The following NEMF variants were observed in gnomAD, a reference collection of about 807,000 sequenced individuals.
The protein encoded by NEMF is nuclear export mediator factor.
A neutral mutation model predicts 162.2 loss-of-function variants in NEMF; 89 were observed. The ratio of observed to expected loss-of-function variants is 0.55; its 90% confidence interval spans 0.46 to 0.65. The LOEUF is 0.65. Ranked by LOEUF, NEMF falls within the 30% of genes least tolerant of loss-of-function variation. The pLI is 0.00. For missense variants in NEMF, 1,133 were observed against 1,261.9 expected (o/e 0.90, Z 1.55); for synonymous variants, 421 against 404.5 (o/e 1.04, Z -0.49).
chr14:49,810,650 A>G (rs1891433816), intron 18 of NEMF, among the ~76,000 whole-genome samples: 1 of 152,104 alleles, frequency 6.6e-6, no homozygotes. Flanking sequence ...TTGCATTACC[A>G]CATGAATTTT....
intron 25 of NEMF, 192 bp from the exon 26 acceptor site, chr14:49,796,136 T>C (rs1028144981): frequency 3.3e-5 from 20 of 603,094 alleles, no homozygotes; most frequent in Non-Finnish European, 5.4e-5. Context: ...AAGTTTTTCA[T>C]CTCTCATGGA....
intron 6 of NEMF, among the ~76,000 whole-genome samples, chr14:49,835,901 A>G (rs1336033335): frequency 6.6e-6 from 1 of 152,248 alleles, no homozygotes; most frequent in Non-Finnish European, 1.5e-5. Context: ...ATAGCATCAA[A>G]AAGAATAGAA....
Position 49,851,675 on chromosome 14 carries a change from A to G in NEMF, c.129-10T>C. 1 of 1,609,432 alleles carries G rather than the reference A, an allele frequency of 6.2e-7. No individual in the cohort carries two copies. The highest frequency in any genetic ancestry group is 8.5e-7 in the Non-Finnish European group (1 of 1,176,070). On this transcript the variant is annotated splice_polypyrimidine_tract_variant and intron_variant, in intron 2 of 32. Coordinates refer to ENST00000298310, the MANE Select transcript of NEMF (RefSeq NM_004713.6). ...AGCTTTAAAGTCCGGTCTGTAGAAG[A>G]AAAAAGTCGAATTTTTCTTTAGGGT...
chr14:49,848,251 A>G (rs968339785), intron 3 of NEMF, among the ~76,000 whole-genome samples: 2 of 152,086 alleles, frequency 1.3e-5, no homozygotes, highest in Non-Finnish European at 2.9e-5. Context: ...TTTCAATCCA[A>G]TGTAATAACT....
intron 19 of NEMF, among the ~76,000 whole-genome samples, chr14:49,805,100 TAATG>T (rs1434247852): frequency 6.6e-6 from 1 of 152,150 alleles, no homozygotes; most frequent in Non-Finnish European, 1.5e-5. Flanking sequence ...AAAAATTTCT[TAATG>T]AAAGAATTAA....
At chr14:49,827,605 C>G (rs111509827) in intron 15 of NEMF, among the ~76,000 whole-genome samples, 196 of 152,060 alleles carry the variant, frequency 1.3e-3, no homozygotes, top group African/African-American at 4.6e-3. Flanking sequence ...CTGAGGTCAG[C>G]AGTTTGAGAC....
chr14:49,830,597 C>G (rs1205768904), intron 11 of NEMF, among the ~76,000 whole-genome samples: 1 of 152,244 alleles, frequency 6.6e-6, no homozygotes, highest in Non-Finnish European at 1.5e-5. Flanking sequence ...GCTGGCCAGG[C>G]TGTTCTTGAA....
In NEMF at chr14:49,784,495, A is replaced by C. The variant is rs779328062; in HGVS notation, c.*141T>G. Reference sequence around the variant, plus strand: ...ATAAAACTGGGAAAAAACAAGAAGTAAGTCCTTTTGGTGAATATAGCAAGG... The same window carrying C: ...ATAAAACTGGGAAAAAACAAGAAGTCAGTCCTTTTGGTGAATATAGCAAGG... On this transcript the variant is annotated 3_prime_UTR_variant, in exon 33 of 33. Transcript: ENST00000298310. 28 of 607,434 alleles carry C rather than the reference A, an allele frequency of 4.6e-5. No homozygotes were observed. The highest frequency in any genetic ancestry group is 1.3e-4 in the Admixed American group (4 of 30,392). 37.6% of individuals were successfully genotyped at this position (607,434 alleles called of 1,614,324 possible).
intron 8 of NEMF, among the ~76,000 whole-genome samples, chr14:49,833,036 C>G (rs1892721391): frequency 6.6e-6 from 1 of 152,160 alleles, no homozygotes; most frequent in Non-Finnish European, 1.5e-5. Flanking sequence ...GAGGCCAAGG[C>G]AGGCGGATCA....
intron 16 of NEMF, among the ~76,000 whole-genome samples, chr14:49,824,762 T>C (rs1892256633): frequency 6.6e-6 from 1 of 152,090 alleles, no homozygotes; most frequent in African/African-American, 2.4e-5. Context: ...GTTTTATACA[T>C]TGGAGACCTC....
intron 16 of NEMF, 71 bp downstream of exon 16, chr14:49,825,796 T>C (rs1230054021): frequency 9.5e-7 from 1 of 1,050,412 alleles, no homozygotes; most frequent in Non-Finnish European, 1.4e-6. Flanking sequence ...ACTGTTTGAC[T>C]TTTCTAAACA....
intron 4 of NEMF, among the ~76,000 whole-genome samples, chr14:49,843,916 T>C (rs1035200340): frequency 1.3e-5 from 2 of 152,080 alleles, no homozygotes; most frequent in African/African-American, 2.4e-5. Flanking sequence ...CTGGCCAATA[T>C]GGTGAAACCC....
intron 3 of NEMF, among the ~76,000 whole-genome samples, chr14:49,848,574 C>A (rs1010385840): frequency 6.6e-6 from 1 of 152,098 alleles, no homozygotes; most frequent in South Asian, 2.1e-4. Context: ...TGGCAGCTCA[C>A]GCCTGTAATC....
chr14:49,852,140 T>C (rs1478619499), intron 1 of NEMF, among the ~76,000 whole-genome samples: 1 of 149,326 alleles, frequency 6.7e-6, no homozygotes, highest in African/African-American at 2.5e-5. Flanking sequence ...AGAAATACAG[T>C]AAAATATAAT....
intron 18 of NEMF, among the ~76,000 whole-genome samples, chr14:49,810,490 G>A (rs148003734): frequency 6.6e-6 from 1 of 152,228 alleles, no homozygotes; most frequent in East Asian, 1.9e-4. Flanking sequence ...CTGGAATCTC[G>A]ATTCTATCCC....
intron 3 of NEMF, among the ~76,000 whole-genome samples, chr14:49,850,725 A>ATG (rs2140039067): frequency 6.6e-6 from 1 of 152,160 alleles, no homozygotes; most frequent in African/African-American, 2.4e-5. Flanking sequence ...AAAAAAAAAA[A>ATG]TACTGACTGG....
At chr14:49,845,096 AGTTAGTTT>A (rs993254523) in intron 4 of NEMF, among the ~76,000 whole-genome samples, 2 of 148,180 alleles carry the variant, frequency 1.3e-5, no homozygotes, top group Non-Finnish European at 3.0e-5. Flanking sequence ...TTAGTTAGTT[AGTTAGTTT>A]ATTTTTGAGA....
chr14:49,832,362 C>G (rs377284176), intron 8 of NEMF, 85 bp from the exon 9 acceptor site: 2 of 904,216 alleles, frequency 2.2e-6, no homozygotes, highest in South Asian at 1.6e-5. Context: ...CAGTCGCGCT[C>G]GCTCCATCAC....
intron 18 of NEMF, 30 bp from the exon 19 acceptor site, chr14:49,806,163 C>T (rs1891178284): frequency 6.6e-7 from 1 of 1,523,302 alleles, no homozygotes; most frequent in African/African-American, 1.4e-5. Flanking sequence ...TGTTTCAATA[C>T]CAAAGTATGG....
Sources: allele counts gnomAD v4.1 joint callset (sites outside exome capture counted in the v4.1 genomes callset), GRCh38; gene constraint gnomAD v4.1.1; transcripts MANE v1.5; gene names NCBI Gene and HGNC (gene_info 2026-07-23, HGNC 2026-07-21).